The following KCNIP4 variants were observed in gnomAD, a reference collection of about 807,000 sequenced individuals.
KCNIP4 encodes potassium voltage-gated channel interacting protein 4, also known as Kv channel-interacting protein 4.
Under a neutral mutation model 34.0 loss-of-function variants are expected in KCNIP4, and 12 were observed. The observed-to-expected ratio is 0.35, with a 90% CI of 0.23 to 0.57. The LOEUF (loss-of-function observed/expected upper bound fraction) is 0.57, where lower values mean the gene tolerates loss of function less well. KCNIP4 is among the 20% of genes least tolerant of loss of function. The pLI is 0.83. For missense variants in KCNIP4, 238 were observed against 311.7 expected, an observed-to-expected ratio of 0.76 and a Z score of 1.78; for synonymous variants, 124 against 102.2, an observed-to-expected ratio of 1.21 and a Z score of -1.29.
intron 1 of KCNIP4, among the ~76,000 whole-genome samples, chr4:20,966,572 A>G (rs1734372431): frequency 6.6e-6 from 1 of 152,200 alleles, no homozygotes; most frequent in African/African-American, 2.4e-5. Flanking sequence ...TTCATAATGT[A>G]GTCAAGTTAC....
intron 1 of KCNIP4, among the ~76,000 whole-genome samples, chr4:21,471,897 A>G (rs1730498800): frequency 8.6e-6 from 1 of 116,886 alleles, no homozygotes; most frequent in Non-Finnish European, 2.1e-5. Flanking sequence ...CATCTGACAA[A>G]CCATTTAATC....
At chr4:21,605,860 C>T (rs914583814) in intron 1 of KCNIP4, among the ~76,000 whole-genome samples, 1 of 151,970 alleles carries the variant, frequency 6.6e-6, no homozygotes, top group African/African-American at 2.4e-5. Context: ...TGACCACCAT[C>T]AAAAAAATGG....
At chr4:21,256,395 C>T (rs1212720978) in intron 1 of KCNIP4, among the ~76,000 whole-genome samples, 2 of 120,146 alleles carry the variant, frequency 1.7e-5, no homozygotes, top group African/African-American at 3.2e-5. Flanking sequence ...GCCTGGGCAA[C>T]ATAATGAGAT....
chr4:21,330,993 T>C (rs551931945), intron 1 of KCNIP4, among the ~76,000 whole-genome samples: 1 of 152,282 alleles, frequency 6.6e-6, no homozygotes, highest in African/African-American at 2.4e-5. Flanking sequence ...TTAAATAGGA[T>C]TAACTCCTAA....
intron 1 of KCNIP4, among the ~76,000 whole-genome samples, chr4:21,678,695 C>A (rs1750109619): frequency 6.6e-6 from 1 of 152,110 alleles, no homozygotes; most frequent in South Asian, 2.1e-4. Flanking sequence ...TTTGTGTTCC[C>A]AGATATTTCT....
chr4:20,755,046 G>A lies in KCNIP4; in HGVS notation c.358+3775C>T, dbSNP rs11939041. On this transcript the variant is annotated intron_variant, in intron 4 of 8. Transcript: ENST00000382152. ...CCCAAATTAATCTCTCATTAATGCA[G>A]ACAGTGAACTCATTATAATCCTGGC... is the stretch of plus-strand genomic sequence containing the variant. Among the ~76,000 whole-genome samples, 153 of 152,174 alleles carry A rather than the reference G, an allele frequency of 1.0e-3. 1 individual carries two copies. The highest frequency in any genetic ancestry group is 3.6e-3 in the African/African-American group (148 of 41,516).
At chr4:20,961,301 C>G (rs887378976) in intron 1 of KCNIP4, among the ~76,000 whole-genome samples, 5 of 151,972 alleles carry the variant, frequency 3.3e-5, no homozygotes, top group Admixed American at 2.0e-4. Flanking sequence ...AAGAAAACAT[C>G]CTGAATTAAA....
intron 1 of KCNIP4, among the ~76,000 whole-genome samples, chr4:20,992,352 T>G (rs1737150646): frequency 6.6e-6 from 1 of 152,172 alleles, no homozygotes; most frequent in Non-Finnish European, 1.5e-5. Flanking sequence ...TCACTCATTA[T>G]CATGAGAACA....
chr4:21,774,863 C>T (rs1227627052), intron 1 of KCNIP4, among the ~76,000 whole-genome samples: 2 of 152,146 alleles, frequency 1.3e-5, no homozygotes, highest in Admixed American at 6.5e-5. Flanking sequence ...TATCAAGGTT[C>T]TTAGTTTCTT....
intron 3 of KCNIP4, among the ~76,000 whole-genome samples, chr4:20,759,811 G>C (rs1754800166): frequency 6.6e-6 from 1 of 152,144 alleles, no homozygotes; most frequent in African/African-American, 2.4e-5. Flanking sequence ...CCCTTGAGTG[G>C]TGGAGACTGA....
chr4:20,985,201 A>T (rs1392276947), intron 1 of KCNIP4, among the ~76,000 whole-genome samples: 2 of 152,150 alleles, frequency 1.3e-5, no homozygotes, highest in African/African-American at 4.8e-5. Context: ...TTGCTATGTG[A>T]TCTTGTGCAA....
intron 1 of KCNIP4, among the ~76,000 whole-genome samples, chr4:21,079,175 G>T (rs1201834032): frequency 6.6e-6 from 1 of 152,028 alleles, no homozygotes; most frequent in African/African-American, 2.4e-5. Flanking sequence ...AAGGACTCTA[G>T]AGATTCCAAC....
chr4:21,125,957 T>C (rs1224692889), intron 1 of KCNIP4, among the ~76,000 whole-genome samples: 1 of 152,076 alleles, frequency 6.6e-6, no homozygotes. Flanking sequence ...GGTTACTATA[T>C]GGTTAAAGCC....
chr4:20,843,089 G>T (rs1719943178), intron 3 of KCNIP4, among the ~76,000 whole-genome samples: 1 of 151,916 alleles, frequency 6.6e-6, no homozygotes, highest in Non-Finnish European at 1.5e-5. Context: ...TGTATTTTTA[G>T]TAGATATGGG....
chr4:21,187,547 G>A (rs1296547133), intron 1 of KCNIP4, among the ~76,000 whole-genome samples: 16 of 152,278 alleles, frequency 1.1e-4, no homozygotes, highest in African/African-American at 3.8e-4. Context: ...GCTAGGAACA[G>A]AGGGAAATGC....
At chr4:20,808,648 C>T (rs1239980243) in intron 3 of KCNIP4, among the ~76,000 whole-genome samples, 4 of 152,292 alleles carry the variant, frequency 2.6e-5, no homozygotes, top group African/African-American at 9.6e-5. Context: ...CCAAGTATAT[C>T]CTCTTGTGTC....
At position 21,150,847 on chromosome 4, in the gene KCNIP4, T is replaced by C. The variant is rs113506265; in HGVS notation, c.62-268138A>G. Among the ~76,000 whole-genome samples, 216 of 152,280 alleles carry C rather than the reference T, an allele frequency of 1.4e-3. 3 individuals are homozygous for C. The highest frequency in any genetic ancestry group is 4.7e-3 in the African/African-American group (196 of 41,564). ...AAAGGCAATCTGCTGACTTGGGTGC[T>C]TTGAAAAAAGAAAGGACTCAAGTTG... On this transcript the variant is annotated intron_variant, in intron 1 of 8. Coordinates refer to ENST00000382152, the MANE Select transcript of KCNIP4 (RefSeq NM_025221.6).
chr4:21,557,269 T>A (rs1577591326), intron 1 of KCNIP4, among the ~76,000 whole-genome samples: 1 of 152,300 alleles, frequency 6.6e-6, no homozygotes, highest in South Asian at 2.1e-4. Context: ...AAAAATAATG[T>A]AATTACTTTG....
chr4:21,817,418 C>A (rs1019786461), intron 1 of KCNIP4, among the ~76,000 whole-genome samples: 4 of 151,954 alleles, frequency 2.6e-5, no homozygotes, highest in Non-Finnish European at 4.4e-5. Context: ...TGTGTTTGCA[C>A]AATATGAAAT....
Sources: allele counts gnomAD v4.1 joint callset (sites outside exome capture counted in the v4.1 genomes callset), GRCh38; gene constraint gnomAD v4.1.1; transcripts MANE v1.5; gene names NCBI Gene and HGNC (gene_info 2026-07-23, HGNC 2026-07-21).